PLAC1: variants seen among roughly 807,000 people sequenced by gnomAD.
PLAC1 encodes placenta associated 1.
For missense variants in PLAC1, 136 were observed against 163.2 expected (o/e 0.83, Z 0.91); for synonymous variants, 68 against 62.1 (o/e 1.09, Z -0.44).
At chrX:134,595,119 ATAGAT>A (rs2078056447) in intron 2 of PLAC1, among the ~76,000 whole-genome samples, 1 of 110,625 alleles carries the variant, frequency 9.0e-6, no homozygotes, top group African/African-American at 3.3e-5. Context: ...TCTTTGACCT[ATAGAT>A]TATTTAGAAG....
rs148672816 is a variant in PLAC1 at position 134,577,913 on chromosome X, C to A, written c.-58-11173G>T. On this transcript the variant is annotated intron_variant, in intron 2 of 2. Coordinates refer to ENST00000359237, the MANE Select transcript of PLAC1 (RefSeq NM_021796.4). ...TCTTCTCTTGAAAGTCTTACAATGT[C>A]ATTGATGCCTGAAGCCTCTAATCCT... Among the ~76,000 whole-genome samples the A allele has an allele frequency of 3.0e-3, 325 of 110,147 alleles. 5 individuals are homozygous for A. The highest frequency in any genetic ancestry group is 0.01 in the African/African-American group (306 of 30,271).
At chrX:134,687,171 C>T (rs1292279764) in intron 2 of PLAC1, among the ~76,000 whole-genome samples, 2 of 111,532 alleles carry the variant, frequency 1.8e-5, no homozygotes, top group Non-Finnish European at 3.8e-5. Flanking sequence ...ATGTGTGTTA[C>T]AATTTCTTAA....
At chrX:134,605,427 G>C (rs1167420132) in intron 1 of PLAC1, among the ~76,000 whole-genome samples, 1 of 112,223 alleles carries the variant, frequency 8.9e-6, no homozygotes, top group African/African-American at 3.2e-5. Flanking sequence ...CCACTAATAA[G>C]ATTCCCATTT....
At chrX:134,698,694 T>C (rs1006852597) in intron 2 of PLAC1, among the ~76,000 whole-genome samples, 1 of 111,410 alleles carries the variant, frequency 9.0e-6, no homozygotes, top group African/African-American at 3.3e-5. Context: ...TACAATTCTA[T>C]GACTTGAGTC....
Position 134,653,460 on chromosome X carries a change from A to T in PLAC1, c.-131+4868T>A, listed in dbSNP as rs1331963389. Among the ~76,000 whole-genome samples the T allele has an allele frequency of 1.9e-4, 21 of 112,484 alleles. No individual in the cohort carries two copies. In the Admixed American group the frequency reaches 2.0e-3, roughly 11 times the overall value. On this transcript the variant is annotated intron_variant, in intron 1 of 2. Coordinates refer to ENST00000359237, the MANE Select transcript of PLAC1 (RefSeq NM_021796.4). ...CAGGGGACGTCAGTGCTTCACACTG[A>T]AATGTGAACATTTCAGGCAGTGTGA... is the stretch of plus-strand genomic sequence containing the variant.
At position 134,590,850 on chromosome X, in the gene PLAC1, A is replaced by G. The variant is rs1436046757; in HGVS notation, c.-59+11201T>C. ...TCGAACTCCTGACCTCAAGTGATCC[A>G]CCCTCCCCCCCCACCCCACCCCTTA... is the stretch of plus-strand genomic sequence containing the variant. On this transcript the variant is annotated intron_variant, in intron 2 of 2. Transcript: ENST00000359237. Among the ~76,000 whole-genome samples the G allele has an allele frequency of 3.9e-5, 4 of 102,974 alleles. 1 individual carries two copies. The highest frequency in any genetic ancestry group is 1.4e-4 in the African/African-American group (4 of 28,077). 89.4% of individuals were successfully genotyped at this position (102,974 alleles called of 115,157 possible).
At chrX:134,730,068 G>A (rs1205500638) in intron 2 of PLAC1, among the ~76,000 whole-genome samples, 1 of 111,734 alleles carries the variant, frequency 8.9e-6, no homozygotes, top group Non-Finnish European at 1.9e-5. Context: ...TGGGATTACA[G>A]ATGTGAGCCA....
intron 2 of PLAC1, among the ~76,000 whole-genome samples, chrX:134,723,093 T>A (rs1343063894): frequency 9.0e-6 from 1 of 111,541 alleles, no homozygotes; most frequent in African/African-American, 3.3e-5. Context: ...TATATTTAAA[T>A]AAAAATTTCC....
chrX:134,635,525 A>G (rs747527148), intron 1 of PLAC1, among the ~76,000 whole-genome samples: 34 of 111,126 alleles, frequency 3.1e-4, no homozygotes, highest in African/African-American at 9.5e-4. Flanking sequence ...AAAATCATAC[A>G]GACAGGGTCT....
chrX:134,721,959 A>C (rs960656184), intron 2 of PLAC1, among the ~76,000 whole-genome samples: 5 of 112,271 alleles, frequency 4.5e-5, no homozygotes, highest in African/African-American at 1.6e-4. Flanking sequence ...TGCTGGTGAG[A>C]ATGTAAAGTG....
intron 1 of PLAC1, among the ~76,000 whole-genome samples, chrX:134,653,636 G>A (rs2078374847): frequency 9.0e-6 from 1 of 111,428 alleles, no homozygotes; most frequent in Non-Finnish European, 1.9e-5. Context: ...ATGGCTTCAT[G>A]GGTCTGTGGG....
intron 1 of PLAC1, among the ~76,000 whole-genome samples, chrX:134,751,546 G>T (rs1242744697): frequency 9.0e-6 from 1 of 111,671 alleles, no homozygotes; most frequent in African/African-American, 3.3e-5. Context: ...AGCCACTAAA[G>T]ACTTTTGGGG....
chrX:134,760,478 T>C (rs1299258552), intron 1 of PLAC1: 1 of 111,684 alleles, frequency 9.0e-6, no homozygotes. Context: ...TTATCTGACA[T>C]ATGTTCAATG....
chrX:134,598,961 T>C (rs930983801), intron 2 of PLAC1, among the ~76,000 whole-genome samples: 3 of 111,859 alleles, frequency 2.7e-5, no homozygotes, highest in Non-Finnish European at 5.6e-5. Context: ...ATCTTTTCAC[T>C]TGAGAGTTTC....
chrX:134,736,475 C>T (rs1366459887), intron 1 of PLAC1, among the ~76,000 whole-genome samples: 1 of 109,826 alleles, frequency 9.1e-6, no homozygotes, highest in East Asian at 2.9e-4. Context: ...CCAAACCGCC[C>T]CCACCGCCCC....
intron 1 of PLAC1, among the ~76,000 whole-genome samples, chrX:134,618,261 G>A (rs916337825): frequency 1.6e-4 from 18 of 112,140 alleles, no homozygotes; most frequent in Admixed American, 1.9e-4. Flanking sequence ...GCATGGCCCC[G>A]GGCAGCAAGG....
chrX:134,609,082 C>T (rs2078139530), intron 1 of PLAC1, among the ~76,000 whole-genome samples: 1 of 111,008 alleles, frequency 9.0e-6, no homozygotes. Flanking sequence ...AAATGATCCT[C>T]CTTCCTCAGC....
chrX:134,565,992 A>G lies in PLAC1; in HGVS notation c.*52T>C. The G allele has an allele frequency of 9.4e-7, 1 of 1,059,922 alleles. No individual in the cohort carries two copies. 87.3% of individuals were successfully genotyped at this position (1,059,922 alleles called of 1,213,427 possible). ...GCACTTATTTGTCAGACATTTGTAC[A>G]CTATATACTAATTCTAGAAATAGCA... On this transcript the variant is annotated 3_prime_UTR_variant, in exon 3 of 3. Coordinates refer to ENST00000359237, the MANE Select transcript of PLAC1 (RefSeq NM_021796.4).
intron 1 of PLAC1, among the ~76,000 whole-genome samples, chrX:134,609,970 A>C (rs746986655): frequency 6.1e-5 from 6 of 97,709 alleles, no homozygotes; most frequent in Non-Finnish European, 8.3e-5. Context: ...GACATTGTGC[A>C]TCAGTGGAAG....
Sources: gnomAD v4.1 joint callset for allele counts (sites outside exome capture counted in the v4.1 genomes callset) on GRCh38, gnomAD v4.1.1 for gene constraint, MANE v1.5 for transcripts, NCBI Gene and HGNC (gene_info 2026-07-23, HGNC 2026-07-21) for gene names.